CELF4: variants seen among roughly 807,000 people sequenced by gnomAD.
The protein encoded by CELF4 is CUG-BP- and ETR-3-like factor 4.
Under a neutral mutation model 59.9 loss-of-function variants are expected in CELF4, and 18 were observed. The observed-to-expected ratio is 0.30, with a 90% confidence interval of 0.21 to 0.45. The LOEUF (loss-of-function observed/expected upper bound fraction) is 0.45, where lower values mean the gene tolerates loss of function less well. Among genes scored for constraint, CELF4 ranks in the 20% least tolerant of loss-of-function variants. The pLI, the probability that CELF4 is intolerant of heterozygous loss-of-function variation, is 1.00. For synonymous variants in CELF4, 261 were observed against 267.1 expected (o/e 0.98, Z 0.22); for missense variants, 456 against 689.0 (o/e 0.66, Z 3.79).
At chr18:37,332,143 C>CAGG (rs1272324031) in intron 2 of CELF4, among the ~76,000 whole-genome samples, 1 of 152,114 alleles carries the variant, frequency 6.6e-6, no homozygotes, top group African/African-American at 2.4e-5. Context: ...TGTGGGAAGA[C>CAGG]AGGAGCCTAA....
intron 12 of CELF4, among the ~76,000 whole-genome samples, chr18:37,248,270 G>C (rs1271183077): frequency 6.6e-6 from 1 of 152,184 alleles, no homozygotes. Flanking sequence ...ACATGCCTTG[G>C]CACTACTGAG....
intron 2 of CELF4, among the ~76,000 whole-genome samples, chr18:37,386,081 C>T (rs1040703346): frequency 2.6e-5 from 4 of 152,160 alleles, no homozygotes; most frequent in Non-Finnish European, 5.9e-5. Flanking sequence ...GGGCATATTA[C>T]CTGGAGATGA....
chr18:37,436,791 G>T (rs1329974097), intron 2 of CELF4, among the ~76,000 whole-genome samples: 1 of 152,162 alleles, frequency 6.6e-6, no homozygotes, highest in Non-Finnish European at 1.5e-5. Context: ...CTGTACCTCT[G>T]CCCAGGAGCC....
intron 2 of CELF4, among the ~76,000 whole-genome samples, chr18:37,409,895 C>G (rs2099423013): frequency 6.6e-6 from 1 of 152,198 alleles, no homozygotes; most frequent in Non-Finnish European, 1.5e-5. Flanking sequence ...ACAGAGTTTG[C>G]TTTACAAAGT....
At position 37,484,294 on chromosome 18, in the gene CELF4, G is replaced by T. The variant is rs147067847; in HGVS notation, c.369+1231C>A. Among the ~76,000 whole-genome samples the T allele has an allele frequency of 1.1e-4, 17 of 152,286 alleles. No individual in the cohort carries two copies. The East Asian group carries it at 3.1e-3, about 28-fold the overall frequency. On this transcript the variant is annotated intron_variant, in intron 2 of 12. Coordinates refer to ENST00000420428, the MANE Select transcript of CELF4 (RefSeq NM_020180.4). The stretch of plus-strand genomic sequence containing the variant: ...TTATGCTTCACACATAACATGGGGC[G>T]ATGTGAGGCATATTTCTGCCGTCTT...
chr18:37,506,933 T>C (rs971065803), intron 1 of CELF4, among the ~76,000 whole-genome samples: 2 of 152,186 alleles, frequency 1.3e-5, no homozygotes, highest in African/African-American at 4.8e-5. Flanking sequence ...GCACCCTCGT[T>C]TCCTTGGGCC....
chr18:37,400,503 A>G (rs1312169143), intron 2 of CELF4, among the ~76,000 whole-genome samples: 2 of 152,232 alleles, frequency 1.3e-5, no homozygotes, highest in Non-Finnish European at 2.9e-5. Flanking sequence ...AGCAAATACT[A>G]CTTAGAAACA....
chr18:37,272,045 G>A (rs1428625152), intron 7 of CELF4, among the ~76,000 whole-genome samples: 1 of 152,160 alleles, frequency 6.6e-6, no homozygotes, highest in Non-Finnish European at 1.5e-5. Context: ...TGTTCAAGTT[G>A]AGCCCAGAGA....
intron 1 of CELF4, among the ~76,000 whole-genome samples, chr18:37,499,101 A>G (rs879662870): frequency 2.0e-5 from 3 of 152,186 alleles, no homozygotes; most frequent in Non-Finnish European, 4.4e-5. Context: ...ACACTCATAC[A>G]CACTCATAGG....
At chr18:37,312,095 A>T in intron 3 of CELF4, among the ~76,000 whole-genome samples, 2 of 137,834 alleles carry the variant, frequency 1.5e-5, no homozygotes, top group South Asian at 2.5e-4. Context: ...TGGGCTACAG[A>T]GCGAGATTCC....
chr18:37,471,444 C>G (rs887932754), intron 2 of CELF4, among the ~76,000 whole-genome samples: 4 of 152,128 alleles, frequency 2.6e-5, no homozygotes, highest in South Asian at 2.1e-4. Flanking sequence ...TGCTAAGTCC[C>G]GTCCCCAAGC....
chr18:37,469,085 T>A (rs957299325), intron 2 of CELF4, among the ~76,000 whole-genome samples: 1 of 152,158 alleles, frequency 6.6e-6, no homozygotes, highest in African/African-American at 2.4e-5. Context: ...AGTGGGATCA[T>A]CACTTTCCTT....
At chr18:37,445,492 A>T (rs1207131627) in intron 2 of CELF4, among the ~76,000 whole-genome samples, 1 of 151,824 alleles carries the variant, frequency 6.6e-6, no homozygotes, top group Non-Finnish European at 1.5e-5. Flanking sequence ...TGTGACTCAG[A>T]GTTGTCACCT....
chr18:37,482,729 A>G (rs2099871537), intron 2 of CELF4, among the ~76,000 whole-genome samples: 1 of 152,130 alleles, frequency 6.6e-6, no homozygotes. Flanking sequence ...ATTGTTGCTC[A>G]TAGTGACGGT....
Position 37,312,378 on chromosome 18 carries a change from C to T in CELF4, c.448+9425G>A, listed in dbSNP as rs142590420. On this transcript the variant is annotated intron_variant, in intron 3 of 12. Coordinates refer to ENST00000420428, the MANE Select transcript of CELF4 (RefSeq NM_020180.4). ...CAGCCCTTCCTAAACTTTCAAACCA[C>T]CTGCACAGCGCCTGTCTGAGCACCA... is the stretch of plus-strand genomic sequence containing the variant. Among the ~76,000 whole-genome samples, 4 of 152,330 alleles carry T rather than the reference C, an allele frequency of 2.6e-5. No homozygotes were observed. In the East Asian group the frequency reaches 7.7e-4, roughly 30 times the overall value.
intron 2 of CELF4, among the ~76,000 whole-genome samples, chr18:37,332,848 T>C (rs912176986): frequency 2.6e-5 from 4 of 152,224 alleles, no homozygotes; most frequent in Non-Finnish European, 5.9e-5. Context: ...CAGAGCTCCC[T>C]GAGGCCCTCA....
chr18:37,347,017 G>A (rs1474646243), intron 2 of CELF4, among the ~76,000 whole-genome samples: 1 of 152,110 alleles, frequency 6.6e-6, no homozygotes, highest in Non-Finnish European at 1.5e-5. Flanking sequence ...CATATGCCAA[G>A]GCTGAAGGGG....
intron 2 of CELF4, among the ~76,000 whole-genome samples, chr18:37,352,701 G>A (rs644603): frequency 0.9 from 136,676 of 152,218 alleles, 61,559 homozygotes; most frequent in East Asian, 0.98. Context: ...TCAGCCACCA[G>A]ATTAGGTCAG....
intron 3 of CELF4, among the ~76,000 whole-genome samples, chr18:37,284,009 TCA>T (rs1569524054): frequency 4.2e-4 from 18 of 43,024 alleles, no homozygotes; most frequent in South Asian, 6.7e-4. Flanking sequence ...ACCCAACCAC[TCA>T]ACATGCACAC....
Sources: allele counts gnomAD v4.1 joint callset (sites outside exome capture counted in the v4.1 genomes callset), GRCh38; gene constraint gnomAD v4.1.1; transcripts MANE v1.5; gene names NCBI Gene and HGNC (gene_info 2026-07-23, HGNC 2026-07-21).